Variants in LRP1B observed in about 807,000 individuals in gnomAD.
LRP1B encodes the protein low-density lipoprotein receptor-related protein 1B.
In LRP1B, 217 loss-of-function variants were observed where a neutral mutation model predicts 556.6. The ratio of observed to expected loss-of-function variants is 0.39; its 90% CI spans 0.35 to 0.44. The LOEUF is 0.44. LRP1B is among the 20% of genes least tolerant of loss of function. The pLI is 1.00. For missense variants in LRP1B, 5,053 were observed against 5,620.8 expected (o/e 0.90, Z 3.23); for synonymous variants, 2,047 against 1,865.8 (o/e 1.10, Z -2.50).
At chr2:141,505,072 T>C (rs998151667) in intron 2 of LRP1B, among the ~76,000 whole-genome samples, 2 of 151,420 alleles carry the variant, frequency 1.3e-5, no homozygotes, top group Non-Finnish European at 2.9e-5. Flanking sequence ...TTGCTTTGTT[T>C]GAGAAGAATA....
chr2:142,076,067 C>T (rs1397844052), intron 1 of LRP1B, among the ~76,000 whole-genome samples: 2 of 152,088 alleles, frequency 1.3e-5, no homozygotes, highest in Non-Finnish European at 2.9e-5. Context: ...TAACATTTCC[C>T]AGCTCGGACA....
intron 43 of LRP1B, among the ~76,000 whole-genome samples, chr2:140,590,602 C>T (rs1301984526): frequency 1.3e-5 from 2 of 151,782 alleles, no homozygotes; most frequent in Non-Finnish European, 2.9e-5. Context: ...ACCCAGTCCC[C>T]ATGCACATCA....
chr2:141,072,795 A>G (rs779536579), intron 7 of LRP1B, among the ~76,000 whole-genome samples: 2 of 152,116 alleles, frequency 1.3e-5, no homozygotes, highest in African/African-American at 2.4e-5. Context: ...AAATTAGAGC[A>G]TACAGAAAGG....
chr2:141,087,209 G>C (rs1410883929), intron 7 of LRP1B, among the ~76,000 whole-genome samples: 3 of 90,154 alleles, frequency 3.3e-5, no homozygotes, highest in Admixed American at 1.2e-4. Flanking sequence ...TGGTACCCAG[G>C]ACATACTGTA....
chr2:141,211,090 C>G (rs961710071), intron 6 of LRP1B, among the ~76,000 whole-genome samples: 1 of 151,976 alleles, frequency 6.6e-6, no homozygotes, highest in Non-Finnish European at 1.5e-5. Flanking sequence ...CAGGTTCAAG[C>G]GATTCTCCTG....
intron 1 of LRP1B, among the ~76,000 whole-genome samples, chr2:141,840,748 G>A (rs1158390682): frequency 6.6e-6 from 1 of 152,066 alleles, no homozygotes; most frequent in East Asian, 1.9e-4. Flanking sequence ...CAAAATACAG[G>A]AGAAAGATGG....
chr2:140,564,163 C>T (rs1681041453), intron 43 of LRP1B, among the ~76,000 whole-genome samples: 1 of 152,086 alleles, frequency 6.6e-6, no homozygotes, highest in Non-Finnish European at 1.5e-5. Context: ...TAGATGAATA[C>T]AATGCCACAT....
intron 2 of LRP1B, among the ~76,000 whole-genome samples, chr2:141,769,696 G>A (rs145463936): frequency 2.5e-4 from 38 of 152,296 alleles, no homozygotes; most frequent in Admixed American, 7.8e-4. Flanking sequence ...AGGTAAAGTA[G>A]ATATGTTTTC....
intron 23 of LRP1B, among the ~76,000 whole-genome samples, chr2:140,897,568 A>T (rs983516571): frequency 3.3e-5 from 5 of 152,184 alleles, no homozygotes; most frequent in African/African-American, 1.2e-4. Context: ...GAGTCAGTGG[A>T]CTGGGAGAGG....
chr2:140,354,137 A>G (rs1019809816), intron 75 of LRP1B, among the ~76,000 whole-genome samples: 15 of 152,204 alleles, frequency 9.9e-5, no homozygotes, highest in Middle Eastern at 3.4e-3. Flanking sequence ...GTGTTTAGCC[A>G]GCATATTTCC....
intron 2 of LRP1B, among the ~76,000 whole-genome samples, chr2:141,640,937 G>C (rs1334619045): frequency 2.0e-5 from 3 of 152,192 alleles, no homozygotes; most frequent in Admixed American, 2.0e-4. Context: ...GTGGTGAGCA[G>C]CTGATTTGTC....
chr2:141,837,358 A>T (rs1429438211), intron 1 of LRP1B, among the ~76,000 whole-genome samples: 2 of 152,054 alleles, frequency 1.3e-5, no homozygotes, highest in Non-Finnish European at 2.9e-5. Context: ...CTTTATTAAT[A>T]TATGGGTTTA....
At chr2:142,053,975 T>C (rs1314042705) in intron 1 of LRP1B, among the ~76,000 whole-genome samples, 1 of 151,990 alleles carries the variant, frequency 6.6e-6, no homozygotes, top group Non-Finnish European at 1.5e-5. Flanking sequence ...GAAACAATAT[T>C]TGAGCTAATA....
intron 7 of LRP1B, 115 bp from the exon 8 acceptor site, chr2:141,062,388 G>T (rs903755573): frequency 1.6e-6 from 1 of 640,400 alleles, no homozygotes; most frequent in East Asian, 2.7e-5. Context: ...GATTACATCT[G>T]TTGGCTTCAT....
intron 31 of LRP1B, among the ~76,000 whole-genome samples, chr2:140,824,909 A>C (rs1691452393): frequency 6.6e-6 from 1 of 152,178 alleles, no homozygotes; most frequent in Non-Finnish European, 1.5e-5. Context: ...CACTCAACAA[A>C]TATTTATTGA....
At chr2:141,439,071 T>C (rs967735540) in intron 3 of LRP1B, among the ~76,000 whole-genome samples, 1 of 152,138 alleles carries the variant, frequency 6.6e-6, no homozygotes, top group Non-Finnish European at 1.5e-5. Context: ...TTCATAAAAT[T>C]CTATAAACCT....
intron 6 of LRP1B, among the ~76,000 whole-genome samples, chr2:141,216,120 A>G (rs1220298410): frequency 6.6e-6 from 1 of 152,180 alleles, no homozygotes; most frequent in Non-Finnish European, 1.5e-5. Flanking sequence ...GACCAGGACC[A>G]AGGCTCTGCT....
intron 1 of LRP1B, among the ~76,000 whole-genome samples, chr2:141,934,858 T>C (rs936104793): frequency 2.0e-5 from 3 of 152,200 alleles, no homozygotes; most frequent in Non-Finnish European, 4.4e-5. Context: ...ACTTCTTTCC[T>C]TTATAAGTTA....
intron 7 of LRP1B, among the ~76,000 whole-genome samples, chr2:141,172,133 C>T (rs1680525872): frequency 6.6e-6 from 1 of 152,024 alleles, no homozygotes; most frequent in Non-Finnish European, 1.5e-5. Flanking sequence ...TGAGAAGATG[C>T]TCAATGAAAT....
Sources: gnomAD v4.1 joint callset for allele counts (sites outside exome capture counted in the v4.1 genomes callset) on GRCh38, gnomAD v4.1.1 for gene constraint, MANE v1.5 for transcripts, NCBI Gene and HGNC (gene_info 2026-07-23, HGNC 2026-07-21) for gene names.